The following DNAAF9 variants were observed in gnomAD, a reference collection of about 807,000 sequenced individuals.
DNAAF9 encodes the protein dynein axonemal assembly factor 9.
A neutral mutation model predicts 167.0 loss-of-function variants in DNAAF9; 90 were observed. The observed-to-expected ratio is 0.54, with a 90% confidence interval of 0.45 to 0.64. DNAAF9 has a LOEUF of 0.64. DNAAF9 is among the 30% of genes least tolerant of loss of function. The probability of loss-of-function intolerance (pLI) is 0.00; values close to 1 mark genes in which losing one functional copy is unlikely to be tolerated. For synonymous variants in DNAAF9, 491 were observed against 508.8 expected (o/e 0.96, Z 0.47); for missense variants, 1,315 against 1,442.2 (o/e 0.91, Z 1.43).
chr20:3,270,278 G>C (rs145632051), intron 30 of DNAAF9, 149 bp downstream of exon 30: 1 of 666,960 alleles, frequency 1.5e-6, no homozygotes, highest in African/African-American at 1.8e-5. Context: ...GAGTAGCTGG[G>C]ACTATAGGTG....
chr20:3,266,542 G>A (rs917056733), intron 30 of DNAAF9, among the ~76,000 whole-genome samples: 59 of 151,646 alleles, frequency 3.9e-4, no homozygotes, highest in Middle Eastern at 3.4e-3. Flanking sequence ...CAGTGGCGCG[G>A]TCTCGGCCCA....
At chr20:3,295,464 C>A in intron 23 of DNAAF9, 1 of 304,994 alleles carries the variant, frequency 3.3e-6, no homozygotes, top group South Asian at 3.1e-5. Context: ...CAGGCGTGAA[C>A]CACTGCGCCT....
chr20:3,291,368 G>A (rs1314789417), intron 25 of DNAAF9, among the ~76,000 whole-genome samples: 3 of 145,190 alleles, frequency 2.1e-5, no homozygotes, highest in South Asian at 2.2e-4. Flanking sequence ...TTTTTGAGAC[G>A]GAGTCTCGCT....
chr20:3,287,480 G>A, intron 27 of DNAAF9, 152 bp downstream of exon 27: 1 of 744,118 alleles, frequency 1.3e-6, no homozygotes, highest in Non-Finnish European at 2.3e-6. Context: ...ATGGCAATAG[G>A]GTCATTGCTC....
rs2069252521 is a variant in DNAAF9, at chr20:3,304,479, AATGATGAT to A, written c.1735_1742del (p.Ile579PhefsTer12). On this transcript the variant is annotated frameshift_variant, in exon 21 of 37. Coordinates refer to ENST00000252032, the MANE Select transcript of DNAAF9 (RefSeq NM_001009984.3). LOFTEE classifies it high-confidence loss of function. ...AAATGGAATTCATGTGATCCTTGGA[AATGATGAT>A]ACTTCTATGACGACAGTGAGAAAAC... 1 of 1,504,046 alleles carries A rather than the reference AATGATGAT, an allele frequency of 6.6e-7. No homozygotes were observed. The highest frequency in any genetic ancestry group is 9.3e-7 in the Non-Finnish European group (1 of 1,080,028). The allele number at this position is 1,504,046 out of a possible 1,614,324, so 93.2% of individuals were successfully genotyped here. A position where few individuals can be genotyped will look rare whatever the true frequency, so the allele number is the denominator to read the frequency against.
intron 10 of DNAAF9, among the ~76,000 whole-genome samples, chr20:3,337,518 G>A (rs752469023): frequency 1.3e-4 from 19 of 149,266 alleles, no homozygotes; most frequent in Non-Finnish European, 7.4e-5. Flanking sequence ...TCCTGACCTC[G>A]TGAAGTATTT....
At position 3,288,704 on chromosome 20, in the gene DNAAF9, T is replaced by C. The variant is rs531672507; in HGVS notation, c.2328-914A>G. ...CTTACCTTGGGGTAGACTGACTGGA[T>C]ATTAAACACCTGGTTCAATCTGCAA... On this transcript the variant is annotated intron_variant, in intron 26 of 36. Transcript: ENST00000252032. Among the ~76,000 whole-genome samples the C allele has an allele frequency of 3.1e-3, 476 of 152,274 alleles. 4 individuals are homozygous for C. Among genetic ancestry groups the C allele is most frequent in the African/African-American group, 0.011 (441 of 41,550 alleles).
At chr20:3,381,255 G>T in intron 3 of DNAAF9, 124 bp downstream of exon 3, 1 of 760,438 alleles carries the variant, frequency 1.3e-6, no homozygotes, top group Non-Finnish European at 1.9e-6. Flanking sequence ...TCTTTAAAAA[G>T]CAAACGTTTA....
At chr20:3,356,658 G>A (rs1252608679) in intron 7 of DNAAF9, among the ~76,000 whole-genome samples, 1 of 152,044 alleles carries the variant, frequency 6.6e-6, no homozygotes, top group Non-Finnish European at 1.5e-5. Flanking sequence ...CTGCAGGCTG[G>A]CTATGGCTCA....
intron 20 of DNAAF9, among the ~76,000 whole-genome samples, chr20:3,314,090 G>A (rs891049130): frequency 6.6e-6 from 1 of 152,180 alleles, no homozygotes; most frequent in African/African-American, 2.4e-5. Context: ...CAGATGACTT[G>A]TCTCTTTAGT....
chr20:3,295,146 G>T (rs2069045171), intron 23 of DNAAF9, among the ~76,000 whole-genome samples: 1 of 151,468 alleles, frequency 6.6e-6, no homozygotes, highest in African/African-American at 2.4e-5. Flanking sequence ...TGGGATTACA[G>T]GCATGAGCCA....
Position 3,351,664 on chromosome 20 carries a change from C to T in DNAAF9, c.691-3041G>A, listed in dbSNP as rs954213872. ...AAACTAACCTATGTTTATAAAATCACATTTGGATGATAAAATTGCAAAGAA... is the reference window on the plus strand; with the variant it reads ...AAACTAACCTATGTTTATAAAATCATATTTGGATGATAAAATTGCAAAGAA... On this transcript the variant is annotated intron_variant, in intron 7 of 36. Coordinates refer to ENST00000252032, the MANE Select transcript of DNAAF9 (RefSeq NM_001009984.3). Among the ~76,000 whole-genome samples the T allele has an allele frequency of 1.6e-4, 24 of 152,124 alleles. 1 individual carries two copies. The highest frequency in any genetic ancestry group is 4.6e-4 in the Admixed American group (7 of 15,290).
In DNAAF9 at chr20:3,335,013, C is replaced by T. The variant is rs567292441; in HGVS notation, c.982-2652G>A. On this transcript the variant is annotated intron_variant, in intron 10 of 36. Transcript: ENST00000252032. ...GGATTACTGACTTAATGAGTGAAAA[C>T]TCTTTGGCTTTGGAGTGATACAGAC... Among the ~76,000 whole-genome samples the T allele has an allele frequency of 7.2e-5, 11 of 152,338 alleles. No individual in the cohort carries two copies. In the East Asian group the frequency reaches 2.1e-3, roughly 29 times the overall value.
At chr20:3,339,995 C>T (rs562884924) in intron 10 of DNAAF9, among the ~76,000 whole-genome samples, 2 of 152,364 alleles carry the variant, frequency 1.3e-5, no homozygotes, top group Non-Finnish European at 2.9e-5. Context: ...ATAGCATAGA[C>T]TTTCACAATC....
At chr20:3,277,015 T>C (rs1029088807) in intron 29 of DNAAF9, among the ~76,000 whole-genome samples, 3 of 152,222 alleles carry the variant, frequency 2.0e-5, no homozygotes, top group Non-Finnish European at 4.4e-5. Context: ...GCCCACAGGC[T>C]TTCTCAGCAG....
At chr20:3,368,403 T>C (rs1600869646) in intron 6 of DNAAF9, among the ~76,000 whole-genome samples, 1 of 152,146 alleles carries the variant, frequency 6.6e-6, no homozygotes, top group Non-Finnish European at 1.5e-5. Flanking sequence ...TGGGGGGCTT[T>C]TGTTGGTTTG....
intron 25 of DNAAF9, among the ~76,000 whole-genome samples, chr20:3,292,278 G>A (rs976572268): frequency 6.6e-6 from 1 of 152,080 alleles, no homozygotes; most frequent in African/African-American, 2.4e-5. Context: ...GGGATTACAG[G>A]CATGAGCCAT....
chr20:3,371,886 G>A (rs2083515298), intron 6 of DNAAF9, among the ~76,000 whole-genome samples: 1 of 152,164 alleles, frequency 6.6e-6, no homozygotes, highest in South Asian at 2.1e-4. Flanking sequence ...TTCCAGCAGT[G>A]GGAGAGTAAG....
At chr20:3,291,889 A>C (rs1412991280) in intron 25 of DNAAF9, among the ~76,000 whole-genome samples, 1 of 151,882 alleles carries the variant, frequency 6.6e-6, no homozygotes, top group Admixed American at 6.6e-5. Flanking sequence ...CCTCCTATCC[A>C]GCCTTCCCTG....
Sources: allele counts gnomAD v4.1 joint callset (sites outside exome capture counted in the v4.1 genomes callset), GRCh38; gene constraint gnomAD v4.1.1; transcripts MANE v1.5; gene names NCBI Gene and HGNC (gene_info 2026-07-23, HGNC 2026-07-21).